CNTN5: variants seen among roughly 807,000 people sequenced by gnomAD.
The protein encoded by CNTN5 is contactin-5.
Under a neutral mutation model 129.1 loss-of-function variants are expected in CNTN5, and 77 were observed. That is an observed-to-expected ratio of 0.60 (90% CI 0.50 to 0.72). The LOEUF (loss-of-function observed/expected upper bound fraction) is 0.72. Among genes scored for constraint, CNTN5 ranks in the 30% least tolerant of loss-of-function variants. The pLI is 0.00. For synonymous variants in CNTN5, 509 were observed against 465.6 expected (o/e 1.09, Z -1.20); for missense variants, 1,478 against 1,328.8 (o/e 1.11, Z -1.75).
At chr11:99,454,050 TTATTC>T (rs1037394294) in intron 2 of CNTN5, among the ~76,000 whole-genome samples, 1 of 152,168 alleles carries the variant, frequency 6.6e-6, no homozygotes, top group Non-Finnish European at 1.5e-5. Context: ...GCTCTAAAAT[TTATTC>T]TAAATTGCTA....
intron 2 of CNTN5, among the ~76,000 whole-genome samples, chr11:99,399,972 CT>C (rs1393366421): frequency 6.6e-6 from 1 of 152,022 alleles, no homozygotes; most frequent in Non-Finnish European, 1.5e-5. Flanking sequence ...TATCTATCCC[CT>C]CAAGTATTTC....
intron 2 of CNTN5, among the ~76,000 whole-genome samples, chr11:99,459,789 G>T (rs1565599220): frequency 6.6e-6 from 1 of 151,988 alleles, no homozygotes; most frequent in African/African-American, 2.4e-5. Flanking sequence ...TCTTATGAGA[G>T]AAATATTAAT....
At chr11:99,936,183 G>A (rs1003282563) in intron 7 of CNTN5, among the ~76,000 whole-genome samples, 1 of 152,120 alleles carries the variant, frequency 6.6e-6, no homozygotes, top group East Asian at 1.9e-4. Flanking sequence ...ATTTGCAGGG[G>A]TTATTAAAAA....
At chr11:100,339,273 C>T (rs1952107635) in intron 21 of CNTN5, among the ~76,000 whole-genome samples, 1 of 151,850 alleles carries the variant, frequency 6.6e-6, no homozygotes, top group Non-Finnish European at 1.5e-5. Context: ...GTCTGGTGTC[C>T]AAGAAGAATG....
At chr11:99,766,206 A>T (rs1467186767) in intron 3 of CNTN5, among the ~76,000 whole-genome samples, 1 of 152,116 alleles carries the variant, frequency 6.6e-6, no homozygotes, top group Non-Finnish European at 1.5e-5. Flanking sequence ...CAATTTCAAA[A>T]GGTATTTCTG....
chr11:99,360,932 G>A (rs1368066359), intron 2 of CNTN5, among the ~76,000 whole-genome samples: 1 of 152,102 alleles, frequency 6.6e-6, no homozygotes, highest in Admixed American at 6.5e-5. Flanking sequence ...GTCAAGAGAA[G>A]ACATGCCCCA....
At chr11:99,097,546 G>A (rs1166058542) in intron 1 of CNTN5, among the ~76,000 whole-genome samples, 2 of 151,636 alleles carry the variant, frequency 1.3e-5, no homozygotes, top group African/African-American at 2.4e-5. Context: ...TGTAACATCC[G>A]TGCATTTACA....
chr11:99,938,029 A>G (rs1475162280), intron 7 of CNTN5, among the ~76,000 whole-genome samples: 1 of 152,232 alleles, frequency 6.6e-6, no homozygotes, highest in East Asian at 1.9e-4. Flanking sequence ...TGTTTGTATC[A>G]TGCGAATAGG....
chr11:99,733,317 G>A (rs369525489), intron 3 of CNTN5, among the ~76,000 whole-genome samples: 2 of 118,490 alleles, frequency 1.7e-5, no homozygotes, highest in Non-Finnish European at 3.3e-5. Flanking sequence ...GAGAGATTCT[G>A]TCTCAAAAAA....
At chr11:100,029,220 A>G (rs1591082530) in intron 9 of CNTN5, among the ~76,000 whole-genome samples, 1 of 152,340 alleles carries the variant, frequency 6.6e-6, no homozygotes, top group South Asian at 2.1e-4. Context: ...TAGTTATAAT[A>G]TCAACTGAAA....
intron 3 of CNTN5, among the ~76,000 whole-genome samples, chr11:99,617,666 A>G (rs1319993895): frequency 2.0e-5 from 3 of 152,192 alleles, no homozygotes; most frequent in Non-Finnish European, 4.4e-5. Flanking sequence ...ATTGAGATCA[A>G]TATATTACCA....
intron 2 of CNTN5, among the ~76,000 whole-genome samples, chr11:99,464,187 A>G (rs1944845318): frequency 2.0e-5 from 3 of 152,194 alleles, no homozygotes; most frequent in African/African-American, 4.8e-5. Flanking sequence ...TTCCATATTC[A>G]GCATGTAACT....
chr11:99,871,849 T>C (rs1276728085), intron 6 of CNTN5, among the ~76,000 whole-genome samples: 1 of 151,946 alleles, frequency 6.6e-6, no homozygotes, highest in Non-Finnish European at 1.5e-5. Flanking sequence ...TTGGTTGGTT[T>C]ACACAGTAAC....
chr11:99,703,844 C>G (rs140540217), intron 3 of CNTN5, among the ~76,000 whole-genome samples: 1 of 150,704 alleles, frequency 6.6e-6, no homozygotes, highest in African/African-American at 2.4e-5. Flanking sequence ...ATCCAAACAA[C>G]GTTGAAATTT....
At chr11:99,737,114 C>T (rs1026419015) in intron 3 of CNTN5, among the ~76,000 whole-genome samples, 8 of 151,416 alleles carry the variant, frequency 5.3e-5, no homozygotes, top group Non-Finnish European at 1.0e-4. Flanking sequence ...ACTCTTTAAC[C>T]ACCCTGTAAC....
Position 99,898,675 on chromosome 11 carries a change from T to C in CNTN5, c.578-17379T>C, listed in dbSNP as rs192836875. Among the ~76,000 whole-genome samples the C allele has an allele frequency of 9.7e-4, 148 of 152,170 alleles. 1 individual carries two copies. Among genetic ancestry groups the C allele is most frequent in the Admixed American group, 1.6e-3 (25 of 15,284 alleles). On this transcript the variant is annotated intron_variant, in intron 6 of 24. Transcript: ENST00000524871. The stretch of plus-strand genomic sequence containing the variant: ...ATTTAAAGAATATTCCTAGAAATTA[T>C]GTATTTTCATTGTGTGGTGACTACC...
At chr11:100,232,887 C>T (rs1177450693) in intron 16 of CNTN5, among the ~76,000 whole-genome samples, 9 of 152,122 alleles carry the variant, frequency 5.9e-5, no homozygotes, top group South Asian at 2.1e-4. Flanking sequence ...TCCTATATGT[C>T]GGGCACTGCA....
chr11:99,582,975 A>G (rs1452613005), intron 3 of CNTN5, among the ~76,000 whole-genome samples: 1 of 151,984 alleles, frequency 6.6e-6, no homozygotes, highest in Non-Finnish European at 1.5e-5. Context: ...TTGGTTTTTG[A>G]TGATGGTGAC....
chr11:99,478,790 A>G (rs1040057808), intron 2 of CNTN5, among the ~76,000 whole-genome samples: 1 of 152,184 alleles, frequency 6.6e-6, no homozygotes. Context: ...TCAGCTATAG[A>G]GTGATGTTTC....
Sources: allele counts gnomAD v4.1 joint callset (sites outside exome capture counted in the v4.1 genomes callset), GRCh38; gene constraint gnomAD v4.1.1; transcripts MANE v1.5; gene names NCBI Gene and HGNC (gene_info 2026-07-23, HGNC 2026-07-21).